SGCZ: variants seen among roughly 807,000 people sequenced by gnomAD.
SGCZ encodes sarcoglycan zeta, also known as zeta-sarcoglycan.
In SGCZ, 40 loss-of-function variants were observed where a neutral mutation model predicts 41.3. The ratio of observed to expected loss-of-function variants is 0.97; its 90% CI spans 0.75 to 1.26. SGCZ has a LOEUF of 1.26. Ranked by LOEUF, SGCZ falls within the 50% of genes most tolerant of loss-of-function variation. SGCZ has a pLI of 0.00. For missense variants in SGCZ, 552 were observed against 369.8 expected (o/e 1.49, Z -4.04); for synonymous variants, 206 against 137.5 (o/e 1.50, Z -3.49).
chr8:14,442,351 T>C (rs1202723190), intron 2 of SGCZ, among the ~76,000 whole-genome samples: 36 of 152,196 alleles, frequency 2.4e-4, no homozygotes, highest in Admixed American at 2.4e-3. Flanking sequence ...TGCTGCCATG[T>C]AAGAAGTGAC....
intron 1 of SGCZ, among the ~76,000 whole-genome samples, chr8:15,193,823 G>C (rs1800621359): frequency 6.6e-6 from 1 of 152,154 alleles, no homozygotes; most frequent in African/African-American, 2.4e-5. Context: ...AGCCAAAGCA[G>C]AGAATCACAA....
chr8:15,002,202 T>TA (rs5889559), intron 1 of SGCZ, among the ~76,000 whole-genome samples: 83,929 of 146,388 alleles, frequency 0.57, 24,732 homozygotes, highest in Admixed American at 0.66. Context: ...TAGTCAGCTC[T>TA]AAAAAAAAAA....
At chr8:14,277,452 G>C (rs1800275277) in intron 3 of SGCZ, among the ~76,000 whole-genome samples, 1 of 152,050 alleles carries the variant, frequency 6.6e-6, no homozygotes, top group South Asian at 2.1e-4. Context: ...TAGACCAAAA[G>C]TGCTCCTAAC....
At chr8:15,205,188 T>C (rs1801021076) in intron 1 of SGCZ, among the ~76,000 whole-genome samples, 2 of 151,956 alleles carry the variant, frequency 1.3e-5, no homozygotes, top group Non-Finnish European at 1.5e-5. Context: ...ACCCCGAACA[T>C]AGGAAGGGGC....
chr8:14,111,879 T>C (rs969315073), intron 5 of SGCZ, among the ~76,000 whole-genome samples: 6 of 152,210 alleles, frequency 3.9e-5, no homozygotes, highest in Non-Finnish European at 7.3e-5. Flanking sequence ...TACTACCCTT[T>C]ACAAATGCCT....
chr8:14,129,710 C>T (rs538078663), intron 5 of SGCZ, among the ~76,000 whole-genome samples: 11 of 151,474 alleles, frequency 7.3e-5, no homozygotes, highest in African/African-American at 2.7e-4. Context: ...TCAAAAAAGA[C>T]ATTAAGAAAG....
At chr8:15,010,218 T>A (rs183381175) in intron 1 of SGCZ, among the ~76,000 whole-genome samples, 20 of 152,338 alleles carry the variant, frequency 1.3e-4, no homozygotes, top group African/African-American at 4.6e-4. Context: ...AATAGAAGAA[T>A]GCTTTCAATG....
At chr8:15,059,319 A>C (rs763316210) in intron 1 of SGCZ, among the ~76,000 whole-genome samples, 3 of 152,196 alleles carry the variant, frequency 2.0e-5, no homozygotes, top group Non-Finnish European at 4.4e-5. Context: ...CATAGACTAG[A>C]TCTTACCTCC....
chr8:14,683,719 T>G (rs1808518432), intron 1 of SGCZ, among the ~76,000 whole-genome samples: 1 of 152,080 alleles, frequency 6.6e-6, no homozygotes, highest in African/African-American at 2.4e-5. Flanking sequence ...TAATTTTTGG[T>G]TTGTTTTATT....
intron 2 of SGCZ, among the ~76,000 whole-genome samples, chr8:14,382,417 T>G: frequency 6.6e-6 from 1 of 150,748 alleles, no homozygotes; most frequent in East Asian, 1.9e-4. Context: ...ACAAAAAAAT[T>G]TAAAAAAAAA....
intron 1 of SGCZ, among the ~76,000 whole-genome samples, chr8:14,990,277 C>T (rs1801963399): frequency 6.6e-6 from 1 of 152,154 alleles, no homozygotes; most frequent in African/African-American, 2.4e-5. Flanking sequence ...AGAAAATACC[C>T]TGCATATACC....
intron 2 of SGCZ, among the ~76,000 whole-genome samples, chr8:14,329,292 T>C (rs1438690302): frequency 1.3e-5 from 2 of 152,198 alleles, no homozygotes; most frequent in Non-Finnish European, 2.9e-5. Flanking sequence ...ATCAGACAAA[T>C]AACAGTATTC....
intron 2 of SGCZ, among the ~76,000 whole-genome samples, chr8:14,409,307 G>C (rs969115412): frequency 3.3e-5 from 5 of 151,966 alleles, no homozygotes; most frequent in African/African-American, 1.2e-4. Context: ...ATGTATAGGA[G>C]GGGGCCTCTT....
chr8:14,214,520 A>C (rs1305050963), intron 4 of SGCZ, among the ~76,000 whole-genome samples: 1 of 152,180 alleles, frequency 6.6e-6, no homozygotes, highest in African/African-American at 2.4e-5. Flanking sequence ...TTTCTGTACT[A>C]GTTTTACTAT....
At chr8:14,416,722 G>A (rs1393892199) in intron 2 of SGCZ, among the ~76,000 whole-genome samples, 1 of 151,878 alleles carries the variant, frequency 6.6e-6, no homozygotes, top group African/African-American at 2.4e-5. Flanking sequence ...ACGTGTGGCA[G>A]CAAATCTGGC....
chr8:15,193,892 C>A (rs761024712), intron 1 of SGCZ, among the ~76,000 whole-genome samples: 1 of 152,062 alleles, frequency 6.6e-6, no homozygotes, highest in African/African-American at 2.4e-5. Flanking sequence ...AGGCAAAATA[C>A]GAGCAATTGC....
intron 1 of SGCZ, among the ~76,000 whole-genome samples, chr8:15,026,843 A>C (rs1428289262): frequency 6.6e-6 from 1 of 152,166 alleles, no homozygotes; most frequent in Non-Finnish European, 1.5e-5. Context: ...ATCGTTCTAC[A>C]ATTCTCTTTT....
At chr8:14,652,265 C>T (rs1297343783) in intron 1 of SGCZ, among the ~76,000 whole-genome samples, 4 of 128,214 alleles carry the variant, frequency 3.1e-5, no homozygotes, top group Admixed American at 9.6e-5. Flanking sequence ...TGCTTGAACC[C>T]GGGAGGTGGA....
intron 1 of SGCZ, among the ~76,000 whole-genome samples, chr8:15,096,186 C>T (rs560493922): frequency 1.7e-4 from 26 of 152,148 alleles, no homozygotes; most frequent in Admixed American, 3.3e-4. Flanking sequence ...AAGCAATTCT[C>T]CTGCCTCAGC....
Sources: allele counts gnomAD v4.1 joint callset (sites outside exome capture counted in the v4.1 genomes callset), GRCh38; gene constraint gnomAD v4.1.1; transcripts MANE v1.5; gene names NCBI Gene and HGNC (gene_info 2026-07-23, HGNC 2026-07-21).